The following BBX variants were observed in gnomAD, a reference collection of about 807,000 sequenced individuals.
The protein encoded by BBX is HMG box transcription factor BBX.
In BBX, 30 loss-of-function variants were observed where a neutral mutation model predicts 100.2. That is an observed-to-expected ratio of 0.30 (90% CI 0.22 to 0.41). BBX has a LOEUF of 0.41. Among genes scored for constraint, BBX ranks in the 10% least tolerant of loss-of-function variants. The probability of loss-of-function intolerance (pLI) is 1.00; values close to 1 mark genes in which losing one functional copy is unlikely to be tolerated. For synonymous variants in BBX, 376 were observed against 388.1 expected, an observed-to-expected ratio of 0.97 and a Z score of 0.37; for missense variants, 1,023 against 1,129.8, an observed-to-expected ratio of 0.91 and a Z score of 1.35.
chr3:107,628,818 A>G (rs1243530605), intron 2 of BBX, among the ~76,000 whole-genome samples: 1 of 152,078 alleles, frequency 6.6e-6, no homozygotes, highest in Non-Finnish European at 1.5e-5. Context: ...TTTCTTTATT[A>G]AAATAAAATG....
At chr3:107,696,996 C>T (rs2060654854) in intron 3 of BBX, among the ~76,000 whole-genome samples, 2 of 151,862 alleles carry the variant, frequency 1.3e-5, no homozygotes, top group South Asian at 2.1e-4. Context: ...GCATCAGCTC[C>T]TGAGACTTCT....
intron 3 of BBX, among the ~76,000 whole-genome samples, chr3:107,678,742 G>A (rs1290187805): frequency 6.6e-6 from 1 of 151,966 alleles, no homozygotes; most frequent in Non-Finnish European, 1.5e-5. Flanking sequence ...GAAAAAAAAA[G>A]TTGTTAATTG....
intron 5 of BBX, among the ~76,000 whole-genome samples, chr3:107,718,213 A>G (rs930440063): frequency 6.8e-6 from 1 of 147,842 alleles, no homozygotes; most frequent in Non-Finnish European, 1.5e-5. Flanking sequence ...TAATTATATT[A>G]GTATAATTAT....
At chr3:107,771,749 T>A (rs2066925431) in intron 10 of BBX, among the ~76,000 whole-genome samples, 1 of 152,210 alleles carries the variant, frequency 6.6e-6, no homozygotes, top group South Asian at 2.1e-4. Flanking sequence ...CTATCAGCAT[T>A]TGTGGACCTA....
intron 2 of BBX, among the ~76,000 whole-genome samples, chr3:107,590,368 T>A (rs2053217472): frequency 6.6e-6 from 1 of 152,190 alleles, no homozygotes. Context: ...ACCTCAAACA[T>A]GTATCATTTT....
chr3:107,538,518 T>G (rs1358520288), intron 2 of BBX, among the ~76,000 whole-genome samples: 2 of 152,206 alleles, frequency 1.3e-5, no homozygotes, highest in African/African-American at 4.8e-5. Context: ...TGATCGATAC[T>G]TTTCTTCATT....
intron 15 of BBX, among the ~76,000 whole-genome samples, chr3:107,791,586 T>C (rs1001896228): frequency 2.0e-5 from 3 of 152,198 alleles, no homozygotes; most frequent in African/African-American, 7.2e-5. Flanking sequence ...GTATTCAGCA[T>C]TGCAGTTCAT....
At chr3:107,752,114 A>G (rs2065123790) in intron 9 of BBX, among the ~76,000 whole-genome samples, 1 of 152,170 alleles carries the variant, frequency 6.6e-6, no homozygotes, top group African/African-American at 2.4e-5. Flanking sequence ...AATTATATTT[A>G]CCTTGAAGAC....
intron 3 of BBX, among the ~76,000 whole-genome samples, chr3:107,698,235 T>G (rs1241441203): frequency 6.6e-6 from 1 of 151,792 alleles, no homozygotes; most frequent in Non-Finnish European, 1.5e-5. Context: ...TTTTAATTAT[T>G]TTAAACTAAA....
chr3:107,687,504 C>G (rs989759916), intron 3 of BBX, among the ~76,000 whole-genome samples: 2 of 152,004 alleles, frequency 1.3e-5, no homozygotes, highest in African/African-American at 4.8e-5. Context: ...GAGGTAAAAT[C>G]ATAGCATACA....
In BBX at chr3:107,808,670, A is replaced by G. The variant is rs1472130176; in HGVS notation, c.*3213A>G. 3 of 152,178 alleles carry G rather than the reference A, an allele frequency of 2.0e-5. No homozygotes were observed. The highest frequency in any genetic ancestry group is 4.8e-5 in the African/African-American group (2 of 41,442). 9.4% of individuals were successfully genotyped at this position (152,178 alleles called of 1,614,324 possible). On this transcript the variant is annotated 3_prime_UTR_variant, in exon 18 of 18. Coordinates refer to ENST00000325805, the MANE Select transcript of BBX (RefSeq NM_001142568.3). ...TTGGGTACTGTATATGAGATCAGGA[A>G]AAAGAAAAATGTCCCACAGCCACAT...
intron 9 of BBX, among the ~76,000 whole-genome samples, chr3:107,752,321 A>G (rs926640184): frequency 6.6e-6 from 1 of 152,208 alleles, no homozygotes; most frequent in Admixed American, 6.5e-5. Context: ...ATTACAGTTG[A>G]TTAAAAACAC....
At chr3:107,703,831 G>T (rs765746190) in intron 3 of BBX, among the ~76,000 whole-genome samples, 13 of 152,182 alleles carry the variant, frequency 8.5e-5, no homozygotes, top group Non-Finnish European at 1.3e-4. Flanking sequence ...GAGTTTTAGA[G>T]TTAATCTAAT....
chr3:107,727,466 C>T (rs1488276545), intron 5 of BBX, among the ~76,000 whole-genome samples: 3 of 152,070 alleles, frequency 2.0e-5, no homozygotes, highest in Non-Finnish European at 4.4e-5. Context: ...TTGTGTCCAA[C>T]TTTAATTATT....
intron 10 of BBX, among the ~76,000 whole-genome samples, chr3:107,769,464 A>G (rs2066717524): frequency 6.6e-6 from 1 of 152,140 alleles, no homozygotes; most frequent in African/African-American, 2.4e-5. Flanking sequence ...AGCTTTAAGC[A>G]AACTAGGATG....
At chr3:107,737,065 T>G (rs576449627) in intron 7 of BBX, among the ~76,000 whole-genome samples, 196 of 152,178 alleles carry the variant, frequency 1.3e-3, no homozygotes, top group Non-Finnish European at 2.5e-3. Context: ...TTCTTTGCCT[T>G]CCATCCTATG....
At chr3:107,697,315 C>T (rs570171545) in intron 3 of BBX, among the ~76,000 whole-genome samples, 1 of 151,888 alleles carries the variant, frequency 6.6e-6, no homozygotes, top group Non-Finnish European at 1.5e-5. Flanking sequence ...TGTTTTTTCC[C>T]CATCTTTGTG....
rs1406046572 is a variant in BBX at position 107,664,441 on chromosome 3, A to G, written c.-10+18532A>G. Among the ~76,000 whole-genome samples the G allele has an allele frequency of 3.3e-5, 5 of 152,222 alleles. No individual in the cohort carries two copies. The East Asian group carries it at 9.6e-4, about 29-fold the overall frequency. ...AATGATACTTTGCATGAATGTGACT[A>G]TATCCGAGCAGAAGTTTAAAAATGG... On this transcript the variant is annotated intron_variant, in intron 3 of 17. Transcript: ENST00000325805.
chr3:107,667,870 T>C (rs542527425), intron 3 of BBX, among the ~76,000 whole-genome samples: 5 of 152,272 alleles, frequency 3.3e-5, no homozygotes, highest in African/African-American at 1.2e-4. Flanking sequence ...ATATTCATTT[T>C]GTCTCGTAGT....
Sources: gnomAD v4.1 joint callset for allele counts (sites outside exome capture counted in the v4.1 genomes callset) on GRCh38, gnomAD v4.1.1 for gene constraint, MANE v1.5 for transcripts, NCBI Gene and HGNC (gene_info 2026-07-23, HGNC 2026-07-21) for gene names.